The following NUP37 variants were observed in gnomAD, a reference collection of about 807,000 sequenced individuals.
NUP37 encodes nucleoporin 37.
NUP37 carries 33 observed loss-of-function variants against 45.4 expected under a neutral mutation model. That is an observed-to-expected ratio of 0.73 (90% CI 0.55 to 0.97). NUP37 has a LOEUF of 0.97. Ranked by LOEUF, NUP37 falls within the 50% of genes least tolerant of loss-of-function variation. The probability of loss-of-function intolerance (pLI) is 0.00; values close to 1 mark genes in which losing one functional copy is unlikely to be tolerated. For synonymous variants in NUP37, 127 were observed against 130.7 expected, an observed-to-expected ratio of 0.97 and a Z score of 0.19; for missense variants, 365 against 389.7, an observed-to-expected ratio of 0.94 and a Z score of 0.53.
At chr12:102,098,887 C>A (rs1347303035) in intron 5 of NUP37, among the ~76,000 whole-genome samples, 2 of 152,100 alleles carry the variant, frequency 1.3e-5, no homozygotes, top group Non-Finnish European at 2.9e-5. Flanking sequence ...ATAAAAGACA[C>A]CCATGGGAGG....
chr12:102,099,004 T>G, intron 5 of NUP37, 102 bp downstream of exon 5: 1 of 806,302 alleles, frequency 1.2e-6, no homozygotes, highest in Non-Finnish European at 2.1e-6. Flanking sequence ...TACAACACTC[T>G]ATAGAATTTA....
chr12:102,107,797 C>T (rs1880197316), intron 3 of NUP37, among the ~76,000 whole-genome samples: 1 of 151,640 alleles, frequency 6.6e-6, no homozygotes. Context: ...CATAAGCAGG[C>T]AAAATTAAGC....
At chr12:102,104,052 C>A (rs190211818) in intron 3 of NUP37, among the ~76,000 whole-genome samples, 67 of 152,256 alleles carry the variant, frequency 4.4e-4, no homozygotes, top group Admixed American at 1.2e-3. Flanking sequence ...GAATGTTTTT[C>A]ATAGCAGCTG....
At chr12:102,096,726 T>C (rs888627592) in intron 5 of NUP37, among the ~76,000 whole-genome samples, 1 of 152,178 alleles carries the variant, frequency 6.6e-6, no homozygotes, top group Non-Finnish European at 1.5e-5. Flanking sequence ...TTATCACATA[T>C]GTCCTCTTAG....
At chr12:102,099,275 G>T in intron 4 of NUP37, 75 bp from the exon 5 acceptor site, 2 of 1,030,656 alleles carry the variant, frequency 1.9e-6, no homozygotes, top group South Asian at 1.4e-5. Context: ...TAATATTTTT[G>T]CTTCACTGCC....
In NUP37 at chr12:102,077,484, T is replaced by C. The variant is rs1381127831; in HGVS notation, c.560A>G (p.Asn187Ser). The C allele has an allele frequency of 6.2e-7, 1 of 1,613,300 alleles. No individual in the cohort carries two copies. Among genetic ancestry groups the C allele is most frequent in the South Asian group, 1.1e-5 (1 of 91,074 alleles). ...AAGATCATAAAACCGGATTGTTCCA[T>C]TCTTCTCTGCAACCATTAGCTGTAA... The part of the protein sequence containing the change: ...ETFKLMVAEK[N>S]GTIRFYDLLA... The change falls in exon 7 of 10, where the codon AAT becomes AGT. Residue 187 changes from asparagine (N) to serine (S), a missense_variant. Transcript: ENST00000552283.
Position 102,099,255 on chromosome 12 carries a change from T to C in NUP37, c.355-55A>G. 6.7e-6 allele frequency: 8 copies of C among 1,190,812 alleles called. No homozygotes were observed. The South Asian group carries it at 9.9e-5, about 15-fold the overall frequency. The allele number at this position is 1,190,812 out of a possible 1,614,324, so 73.8% of individuals were successfully genotyped here. On this transcript the variant is annotated intron_variant, in intron 4 of 9. Coordinates refer to ENST00000552283, the MANE Select transcript of NUP37 (RefSeq NM_024057.4). ...AAGAAAACAGAAAAATAACCTACAA[T>C]ATTCCTACATAATATTTTTGCTTCA...
At chr12:102,091,684 G>A (rs763878168) in intron 5 of NUP37, among the ~76,000 whole-genome samples, 3 of 151,862 alleles carry the variant, frequency 2.0e-5, no homozygotes, top group Non-Finnish European at 2.9e-5. Context: ...CAAATCAAAG[G>A]GCACTGGGTA....
chr12:102,077,089 T>C (rs537452359), intron 7 of NUP37: 2 of 616,068 alleles, frequency 3.2e-6, no homozygotes, highest in South Asian at 4.0e-5. Context: ...TAAGTCAACA[T>C]TGCACAGATC....
chr12:102,079,397 T>G (rs1879270571), intron 6 of NUP37, among the ~76,000 whole-genome samples: 1 of 152,202 alleles, frequency 6.6e-6, no homozygotes, highest in Admixed American at 6.5e-5. Context: ...GATAGTCAAT[T>G]TCATTATTCA....
chr12:102,095,206 C>T (rs1879769611), intron 5 of NUP37, among the ~76,000 whole-genome samples: 1 of 152,132 alleles, frequency 6.6e-6, no homozygotes. Flanking sequence ...AAGCTTAACC[C>T]ACTAAATACT....
Position 102,120,075 on chromosome 12 carries a change from G to A in NUP37, c.-91C>T, listed in dbSNP as rs1178852771. ...CGCAGAGCGCCAGGAACCGACCAGA[G>A]GCAGGCTGGTCTTCCTTGGGGGCTG... is the stretch of plus-strand genomic sequence containing the variant. On this transcript the variant is annotated 5_prime_UTR_variant, in exon 1 of 10. Coordinates refer to ENST00000552283, the MANE Select transcript of NUP37 (RefSeq NM_024057.4). 5.7e-5 allele frequency: 9 copies of A among 158,928 alleles called. No homozygotes were observed. The highest frequency in any genetic ancestry group is 4.6e-4 in the South Asian group (3 of 6,584). 9.8% of individuals were successfully genotyped at this position (158,928 alleles called of 1,614,324 possible). A position where few individuals can be genotyped will look rare whatever the true frequency, so the allele number is the denominator to read the frequency against.
chr12:102,095,470 C>A (rs182196014), intron 5 of NUP37, among the ~76,000 whole-genome samples: 2 of 152,066 alleles, frequency 1.3e-5, no homozygotes, highest in Non-Finnish European at 2.9e-5. Context: ...CATGTGAGTG[C>A]ATCTGCATAT....
At chr12:102,104,223 T>C (rs1880057122) in intron 3 of NUP37, among the ~76,000 whole-genome samples, 3 of 152,336 alleles carry the variant, frequency 2.0e-5, no homozygotes, top group South Asian at 4.1e-4. Flanking sequence ...ATTAGGGATG[T>C]TGAACATCTT....
At chr12:102,077,180 C>G in intron 7 of NUP37, 142 bp downstream of exon 7, 2 of 808,978 alleles carry the variant, frequency 2.5e-6, no homozygotes, top group Non-Finnish European at 4.0e-6. Flanking sequence ...ATATAAAAAT[C>G]CATAGCTCTG....
intron 1 of NUP37, among the ~76,000 whole-genome samples, chr12:102,119,717 CAGAG>C (rs1565840667): frequency 3.3e-5 from 5 of 152,174 alleles, no homozygotes; most frequent in South Asian, 2.1e-4. Flanking sequence ...GACACGGAGA[CAGAG>C]AGGTATAGAA....
intron 5 of NUP37, among the ~76,000 whole-genome samples, chr12:102,095,039 A>C (rs1879763024): frequency 6.6e-6 from 1 of 152,006 alleles, no homozygotes; most frequent in Non-Finnish European, 1.5e-5. Context: ...GTATCCCCCA[A>C]AGTACTGAAT....
intron 5 of NUP37, among the ~76,000 whole-genome samples, chr12:102,090,017 G>A (rs775745315): frequency 2.0e-5 from 3 of 152,090 alleles, no homozygotes; most frequent in Non-Finnish European, 4.4e-5. Context: ...CTGGATCACA[G>A]CTTACAAATA....
chr12:102,076,271 T>C (rs1879163589), intron 8 of NUP37, among the ~76,000 whole-genome samples: 1 of 152,192 alleles, frequency 6.6e-6, no homozygotes, highest in South Asian at 2.1e-4. Context: ...TATAATAAAA[T>C]TTCACTGGTT....
Sources: gnomAD v4.1 joint callset for allele counts (sites outside exome capture counted in the v4.1 genomes callset) on GRCh38, gnomAD v4.1.1 for gene constraint, MANE v1.5 for transcripts, NCBI Gene and HGNC (gene_info 2026-07-23, HGNC 2026-07-21) for gene names.